The following SYT8 variants were observed in gnomAD, a reference collection of about 807,000 sequenced individuals.
SYT8 encodes the protein synaptotagmin 8.
Under a neutral mutation model 34.9 loss-of-function variants are expected in SYT8, and 50 were observed. That is an observed-to-expected ratio of 1.43 (90% CI 1.14 to 1.81). SYT8 has a LOEUF of 1.81. Ranked by LOEUF, SYT8 falls within the 40% of genes most tolerant of loss-of-function variation. SYT8 has a pLI of 0.00. For missense variants in SYT8, 595 were observed against 529.0 expected (o/e 1.12, Z -1.22); for synonymous variants, 255 against 234.2 (o/e 1.09, Z -0.81).
chr11:1,836,819 G>C lies in SYT8; in HGVS notation c.748G>C (p.Val250Leu), dbSNP rs766010855. Reference protein sequence around the residue: ...RYVPSSGRLTVVVLEARGLRP... With the variant: ...RYVPSSGRLTLVVLEARGLRP... ...CGTGCCCAGCTCAGGCCGGCTGACC[G>C]TGGTGGTGCTGGAGGCTCGAGGCCT... is the stretch of plus-strand genomic sequence containing the variant. The change falls in exon 6 of 8, where the codon GTG becomes CTG. Residue 250 changes from valine (V) to leucine (L), a missense_variant. Transcript: ENST00000341958. 1.9e-6 allele frequency: 3 copies of C among 1,611,610 alleles called. No homozygotes were observed. The highest frequency in any genetic ancestry group is 2.5e-6 in the Non-Finnish European group (3 of 1,179,982).
Position 1,837,054 on chromosome 11 carries a change from G to A in SYT8, c.888G>A (p.Glu296=), listed in dbSNP as rs755201370. 11 of 1,613,658 alleles carry A rather than the reference G, an allele frequency of 6.8e-6. No individual in the cohort carries two copies. Among genetic ancestry groups the A allele is most frequent in the Non-Finnish European group, 7.6e-6 (9 of 1,180,008 alleles). The change falls in exon 7 of 8, where the codon GAG becomes GAA. Residue 296 remains glutamate, a synonymous_variant. Coordinates refer to ENST00000341958, the MANE Select transcript of SYT8 (RefSeq NM_001394072.1). ...KKGTAAPYFN[E]AFTFLVPFSQ... is the part of the protein sequence containing the mutation. ...GCACGGCGGCCCCCTACTTCAATGA[G>A]GCCTTCACCTTCCTGGTGCCCTTCA...
chr11:1,834,533 C>T (rs1275608455), upstream of SYT8: 1 of 1,551,496 alleles, frequency 6.4e-7, no homozygotes, highest in Non-Finnish European at 8.7e-7. The surrounding 1 kb of genome is among the most constrained non-coding windows in gnomAD (Gnocchi z 4.5). Flanking sequence ...ACCCTGCAGA[C>T]CCCTCTGGGC....
chr11:1,836,537 A>G lies in SYT8; in HGVS notation c.629A>G (p.Asp210Gly), dbSNP rs1232903844. ...GELRLPLGTV[D>G]LQHVLEHWYL... ...CTCCGTCTGCCACTGGGCACCGTGG[A>G]TCTGCAGCATGTTCTGGAGCACTGG... Residue 210 changes from aspartate to glycine, a missense_variant, in exon 5 of 8, where the codon GAT becomes GGT. By Grantham distance (94) the Asp-to-Gly change is moderately conservative (BLOSUM62 -1). Transcript: ENST00000341958. The G allele has an allele frequency of 1.2e-6, 2 of 1,612,694 alleles. No individual in the cohort carries two copies. Among genetic ancestry groups the G allele is most frequent in the Non-Finnish European group, 1.7e-6 (2 of 1,179,912 alleles).
At chr11:1,834,599 A>G (rs1846797007), upstream of SYT8, 3 of 1,588,452 alleles carry the variant, frequency 1.9e-6, no homozygotes, top group Non-Finnish European at 2.6e-6. The surrounding 1 kb of genome is among the most constrained non-coding windows in gnomAD (Gnocchi z 4.5). Flanking sequence ...CTGGCAAACC[A>G]TGGTGGGCCC....
chr11:1,835,631 A>G, intron 2 of SYT8, 172 bp downstream of exon 2: 1 of 840,000 alleles, frequency 1.2e-6, no homozygotes, highest in Non-Finnish European at 1.9e-6. Flanking sequence ...GAAGGAGGCC[A>G]TGCAACAGGG....
At position 1,836,430 on chromosome 11, in the gene SYT8, G is replaced by C; in HGVS notation, c.522G>C (p.Pro174=). The C allele has an allele frequency of 6.4e-7, 1 of 1,560,160 alleles. No homozygotes were observed. The highest frequency in any genetic ancestry group is 1.2e-5 in the South Asian group (1 of 84,618). ...VFDETCCFHI[P]QAELPGATLQ... ...GGCTCACGCCGCTGCCTCAGATCCC[G>C]CAGGCGGAGCTGCCAGGGGCCACCC... The change falls in exon 5 of 8, where the codon CCG becomes CCC. Residue 174 remains proline, a synonymous_variant. Transcript: ENST00000341958.
chr11:1,832,011 A>G (rs756407103), upstream of SYT8: 1 of 349,204 alleles, frequency 2.9e-6, no homozygotes, highest in Non-Finnish European at 5.8e-6. Context: ...CATTCCGTAT[A>G]GACTCACCCT....
chr11:1,832,896 G>T (rs1386625416), upstream of SYT8, among the ~76,000 whole-genome samples: 3 of 152,164 alleles, frequency 2.0e-5, no homozygotes, highest in African/African-American at 7.2e-5. Flanking sequence ...AAGGAGGGGG[G>T]ACGCCAGCAA....
In SYT8 at chr11:1,836,532, C is replaced by T. The variant is rs3741230; in HGVS notation, c.624C>T (p.Thr208=). ...PLGELRLPLG[T]VDLQHVLEHW... ...GTGAGCTCCGTCTGCCACTGGGCAC[C>T]GTGGATCTGCAGCATGTTCTGGAGC... The change falls in exon 5 of 8, where the codon ACC becomes ACT. Residue 208 remains threonine, a synonymous_variant. Transcript: ENST00000341958. The T allele has an allele frequency of 0.12, 188,973 of 1,612,590 alleles. 11,636 individuals carry two copies. The highest frequency in any genetic ancestry group is 0.2 in the Middle Eastern group (1,211 of 6,018).
rs1846821510 is a variant in SYT8 at position 1,835,042 on chromosome 11, G to A, written c.-64G>A. 1 of 1,555,582 alleles carries A rather than the reference G, an allele frequency of 6.4e-7. No individual in the cohort carries two copies. The highest frequency in any genetic ancestry group is 1.7e-5 in the Admixed American group (1 of 59,412). ...GATGGGGTAGCGGGCAGGGGCCGGA[G>A]GGGCCACCCTCCCAGCTGACCCAGC... On this transcript the variant is annotated 5_prime_UTR_variant, in exon 1 of 8. Coordinates refer to ENST00000341958, the MANE Select transcript of SYT8 (RefSeq NM_001394072.1).
chr11:1,832,436 G>A (rs935439481), upstream of SYT8, among the ~76,000 whole-genome samples: 1 of 152,172 alleles, frequency 6.6e-6, no homozygotes, highest in Non-Finnish European at 1.5e-5. Flanking sequence ...TCCCAGCAGG[G>A]CCACAGGAGA....
intron 3 of SYT8, 67 bp from the exon 4 acceptor site, chr11:1,836,059 A>C (rs1489390547): frequency 6.4e-7 from 1 of 1,566,968 alleles, no homozygotes; most frequent in Non-Finnish European, 8.6e-7. Context: ...GGCAGACCCC[A>C]TGCCCTGGGT....
rs922182010 is a variant in SYT8, at chr11:1,836,152, C to T, written c.384C>T (p.Ala128=). 8.0e-6 allele frequency: 12 copies of T among 1,506,110 alleles called. No homozygotes were observed. Among genetic ancestry groups the T allele is most frequent in the South Asian group, 7.9e-5 (6 of 76,122 alleles). 93.3% of individuals were successfully genotyped at this position (1,506,110 alleles called of 1,614,324 possible). ...QEIRVGLRQA[A]DLRPGGTVDP... ...TCAGGGTGGGCCTGAGGCAGGCAGC[C>T]GACCTGAGGCCTGGGGGCACCGTGG... The change falls in exon 4 of 8, where the codon GCC becomes GCT. Residue 128 remains alanine (A), a synonymous_variant. Transcript: ENST00000341958.
In SYT8 at chr11:1,836,259, T is replaced by C; in HGVS notation, c.491T>C (p.Val164Ala). Residue 164 changes from valine to alanine, a missense_variant, in exon 4 of 8, where the codon GTG becomes GCG. Transcript: ENST00000341958. ...TKVHRGTLCP[V>A]FDETCCFHIP... ...GTGCACCGAGGCACGCTCTGCCCCG[T>C]GTTTGACGAGACCTGCTGCTTCCAC... 1 of 1,568,732 alleles carries C rather than the reference T, an allele frequency of 6.4e-7. No individual in the cohort carries two copies. Among genetic ancestry groups the C allele is most frequent in the East Asian group, 2.3e-5 (1 of 44,178 alleles).
Position 1,836,253 on chromosome 11 carries a change from G to A in SYT8, c.485G>A (p.Cys162Tyr), listed in dbSNP as rs1326929805. 37 of 1,576,294 alleles carry A rather than the reference G, an allele frequency of 2.3e-5. No individual in the cohort carries two copies. The highest frequency in any genetic ancestry group is 3.1e-5 in the Non-Finnish European group (36 of 1,163,934). The part of the protein sequence containing the change: ...HETKVHRGTL[C>Y]PVFDETCCFH... ...ACAAAAGTGCACCGAGGCACGCTCT[G>A]CCCCGTGTTTGACGAGACCTGCTGC... Residue 162 changes from cysteine to tyrosine, a missense_variant, in exon 4 of 8, where the codon TGC becomes TAC. By Grantham distance (194) the Cys-to-Tyr change is radical (BLOSUM62 -2). Transcript: ENST00000341958.
At chr11:1,834,061 A>G (rs750336960), upstream of SYT8, 321 of 161,892 alleles carry the variant, frequency 2.0e-3, 3 homozygotes, top group Non-Finnish European at 7.3e-4. The surrounding 1 kb of genome is among the most constrained non-coding windows in gnomAD (Gnocchi z 4.5). Context: ...GGAGGCGCCA[A>G]TGTGGAGGAA....
rs1846966703 is a variant in SYT8 at position 1,836,826 on chromosome 11, T to C, written c.755T>C (p.Val252Ala). The change falls in exon 6 of 8, where the codon GTG becomes GCG. Residue 252 changes from valine to alanine, a missense_variant. Coordinates refer to ENST00000341958, the MANE Select transcript of SYT8 (RefSeq NM_001394072.1). The part of the protein sequence containing the change: ...VPSSGRLTVV[V>A]LEARGLRPGL... ...AGCTCAGGCCGGCTGACCGTGGTGG[T>C]GCTGGAGGCTCGAGGCCTGCGTCCA... is the stretch of plus-strand genomic sequence containing the variant. 6.2e-7 allele frequency: 1 copy of C among 1,611,680 alleles called. No individual in the cohort carries two copies. The highest frequency in any genetic ancestry group is 8.5e-7 in the Non-Finnish European group (1 of 1,179,974).
Position 1,835,991 on chromosome 11 carries a change from G to A in SYT8, c.357+7G>A, listed in dbSNP as rs748632140. 6.2e-7 allele frequency: 1 copy of A among 1,606,042 alleles called. No homozygotes were observed. On this transcript the variant is annotated splice_region_variant and intron_variant, in intron 3 of 7. Coordinates refer to ENST00000341958, the MANE Select transcript of SYT8 (RefSeq NM_001394072.1). ...CGACTTTGGAAGCCAGGAGGTGAAGGGCCCCGCTGCGCAGGACCAGCGGTT... is the reference window on the plus strand; with the variant it reads ...CGACTTTGGAAGCCAGGAGGTGAAGAGCCCCGCTGCGCAGGACCAGCGGTT...
chr11:1,835,189 C>T lies in SYT8; in HGVS notation c.84C>T (p.Ala28=), dbSNP rs750417203. 44 of 1,613,152 alleles carry T rather than the reference C, an allele frequency of 2.7e-5. No individual in the cohort carries two copies. The highest frequency in any genetic ancestry group is 3.4e-5 in the Non-Finnish European group (40 of 1,179,892). The change falls in exon 1 of 8, where the codon GCC becomes GCT. Residue 28 remains alanine (A), a synonymous_variant. Coordinates refer to ENST00000341958, the MANE Select transcript of SYT8 (RefSeq NM_001394072.1). ...AIPGLIPDLV[A]GTPWPRWALI... ...CTGGGCTTATTCCAGACCTTGTCGC[C>T]GGGACCCCCTGTGAGTTGTGGGATT...
Sources: gnomAD v4.1 joint callset for allele counts (sites outside exome capture counted in the v4.1 genomes callset) on GRCh38, gnomAD v4.1.1 for gene constraint, Gnocchi (gnomAD v3.1) non-coding constraint, MANE v1.5 for transcripts, NCBI Gene and HGNC (gene_info 2026-07-23, HGNC 2026-07-21) for gene names.